Variants in EIF2S3B observed in about 807,000 individuals in gnomAD.
EIF2S3B encodes eukaryotic translation initiation factor 2 subunit 3B.
Under a neutral mutation model 26.4 loss-of-function variants are expected in EIF2S3B, and 16 were observed. That is an observed-to-expected ratio of 0.61 (90% CI 0.41 to 0.92). The LOEUF (loss-of-function observed/expected upper bound fraction) is 0.92, where lower values mean the gene tolerates loss of function less well. Among genes scored for constraint, EIF2S3B ranks in the 40% least tolerant of loss-of-function variants. The pLI is 0.00. For synonymous variants in EIF2S3B, 183 were observed against 204.4 expected (o/e 0.90, Z 0.89); for missense variants, 510 against 575.5 (o/e 0.89, Z 1.16).
In EIF2S3B at chr12:10,505,989, G is replaced by A. The variant is rs573205960; in HGVS notation, c.87G>A (p.Thr29=). ...DLTTLDVTKL[T]PLSHEVISRQ... ...CCACCTTGGATGTTACCAAGTTGAC[G>A]CCACTTTCACACGAAGTTATCAGCA... Residue 29 remains threonine (T), a synonymous_variant, in exon 1 of 1, where the codon ACG becomes ACA. Coordinates refer to ENST00000538173, the MANE Select transcript of EIF2S3B (RefSeq NM_001357734.3). 5.6e-6 allele frequency: 9 copies of A among 1,605,898 alleles called. No individual in the cohort carries two copies. Among genetic ancestry groups the A allele is most frequent in the South Asian group, 5.5e-5 (5 of 90,920 alleles).
intron 1 of EIF2S3B, among the ~76,000 whole-genome samples, chr12:10,518,978 T>A (rs1358244999): frequency 1.3e-5 from 2 of 151,878 alleles, no homozygotes; most frequent in Non-Finnish European, 2.9e-5. Context: ...AAGCTACCAA[T>A]GACTTTCTTC....
In EIF2S3B at chr12:10,506,065, T is replaced by C; in HGVS notation, c.163T>C (p.Ser55Pro). 6.2e-7 allele frequency: 1 copy of C among 1,601,546 alleles called. No homozygotes were observed. Among genetic ancestry groups the C allele is most frequent in the Non-Finnish European group, 8.6e-7 (1 of 1,168,596 alleles). Residue 55 changes from serine (S) to proline (P), a missense_variant, in exon 1 of 1, where the codon TCC becomes CCC. Ser to Pro is a moderately conservative substitution (Grantham distance 74). Transcript: ENST00000538173. ...AATTGGTCATGTAGCTCATGGGAAA[T>C]CCACAGTCGTCAAAGCTATTTCTGG... ...GTIGHVAHGK[S>P]TVVKAISGVH... is the part of the protein sequence containing the mutation.
At chr12:10,514,576 C>T (rs933985503) in intron 1 of EIF2S3B, among the ~76,000 whole-genome samples, 3 of 152,152 alleles carry the variant, frequency 2.0e-5, no homozygotes, top group African/African-American at 7.2e-5. Context: ...TGATATACCA[C>T]AAAGCACCTA....
rs763464689 is a variant in EIF2S3B at position 10,506,415 on chromosome 12, T to C, written c.513T>C (p.Ser171=). Residue 171 remains serine, a synonymous_variant, in exon 1 of 1, where the codon TCT becomes TCC. Coordinates refer to ENST00000538173, the MANE Select transcript of EIF2S3B (RefSeq NM_001357734.3). ...GNESCPQPQT[S]EHLAAIEIMK... is the part of the protein sequence containing the mutation. ...AATCTTGCCCTCAGCCTCAGACATC[T>C]GAACACCTGGCTGCTATAGAGATCA... The C allele has an allele frequency of 1.9e-5, 30 of 1,613,762 alleles. No homozygotes were observed. The highest frequency in any genetic ancestry group is 2.5e-5 in the Non-Finnish European group (29 of 1,179,740).
At chr12:10,518,555 A>G (rs907495843) in intron 1 of EIF2S3B, among the ~76,000 whole-genome samples, 3 of 151,980 alleles carry the variant, frequency 2.0e-5, no homozygotes, top group African/African-American at 7.3e-5. Flanking sequence ...TCTTTATCCA[A>G]TTTGCCAGTC....
At chr12:10,517,712 A>G (rs1475732380) in intron 1 of EIF2S3B, among the ~76,000 whole-genome samples, 5 of 152,048 alleles carry the variant, frequency 3.3e-5, no homozygotes, top group African/African-American at 1.2e-4. Flanking sequence ...TAGGTTGTCA[A>G]TTTTGGATCT....
chr12:10,509,398 CAG>C (rs912618415), downstream of EIF2S3B, among the ~76,000 whole-genome samples: 6 of 151,880 alleles, frequency 4.0e-5, no homozygotes, highest in East Asian at 1.9e-4. Flanking sequence ...CAATTTTTAC[CAG>C]AGTTAGAGTT....
downstream of EIF2S3B, among the ~76,000 whole-genome samples, chr12:10,511,507 A>G (rs1219279844): frequency 1.3e-5 from 2 of 152,154 alleles, no homozygotes; most frequent in East Asian, 1.9e-4. Flanking sequence ...AAGTGGAAGT[A>G]CAGTCTGGGA....
Position 10,506,142 on chromosome 12 carries a change from G to A in EIF2S3B, c.240G>A (p.Lys80=). The change falls in exon 1 of 1, where the codon AAG becomes AAA. Residue 80 remains lysine, a synonymous_variant. Transcript: ENST00000538173. ...AACTAGAAAGAAATATTACAATCAA[G>A]CTTGGATATGCTAATGCTAAGATTT... ...KNELERNITI[K]LGYANAKIYQ... is the part of the protein sequence containing the mutation. 1 of 1,577,610 alleles carries A rather than the reference G, an allele frequency of 6.3e-7. No homozygotes were observed. The highest frequency in any genetic ancestry group is 8.7e-7 in the Non-Finnish European group (1 of 1,146,674).
At chr12:10,515,849 T>C (rs1182372131) in intron 1 of EIF2S3B, among the ~76,000 whole-genome samples, 1 of 151,506 alleles carries the variant, frequency 6.6e-6, no homozygotes, top group East Asian at 1.9e-4. Context: ...TGTGTATACA[T>C]GGGTACACTA....
At chr12:10,516,046 T>G (rs988795136) in intron 1 of EIF2S3B, among the ~76,000 whole-genome samples, 2 of 151,812 alleles carry the variant, frequency 1.3e-5, no homozygotes, top group African/African-American at 4.8e-5. Flanking sequence ...TTTTTAAAAT[T>G]TCACTGGTAA....
chr12:10,516,475 A>G (rs899175105), intron 1 of EIF2S3B, among the ~76,000 whole-genome samples: 4 of 148,156 alleles, frequency 2.7e-5, no homozygotes, highest in African/African-American at 7.4e-5. Context: ...GTTTAAGATT[A>G]AAATCACTAT....
rs1228604890 is a variant in EIF2S3B at position 10,507,381 on chromosome 12, A to G, written c.*60A>G. 1 of 1,582,578 alleles carries G rather than the reference A, an allele frequency of 6.3e-7. No individual in the cohort carries two copies. The highest frequency in any genetic ancestry group is 2.2e-5 in the East Asian group (1 of 44,730). ...TGGAAGTTGCAATTTCTCTTTAACAACCAAGGGGTTTATTTTCAAAGCGAT... is the reference window on the plus strand; with the variant it reads ...TGGAAGTTGCAATTTCTCTTTAACAGCCAAGGGGTTTATTTTCAAAGCGAT... On this transcript the variant is annotated 3_prime_UTR_variant, in exon 1 of 1. Coordinates refer to ENST00000538173, the MANE Select transcript of EIF2S3B (RefSeq NM_001357734.3).
intron 1 of EIF2S3B, among the ~76,000 whole-genome samples, chr12:10,513,950 G>A (rs1387295887): frequency 1.3e-5 from 2 of 152,188 alleles, no homozygotes; most frequent in Non-Finnish European, 2.9e-5. Context: ...GGGAGGTGGA[G>A]GTTGCAGTAA....
Position 10,507,355 on chromosome 12 carries a change from C to A in EIF2S3B, c.*34C>A. 1 of 1,609,670 alleles carries A rather than the reference C, an allele frequency of 6.2e-7. No homozygotes were observed. The highest frequency in any genetic ancestry group is 8.5e-7 in the Non-Finnish European group (1 of 1,176,228). On this transcript the variant is annotated 3_prime_UTR_variant, in exon 1 of 1. Coordinates refer to ENST00000538173, the MANE Select transcript of EIF2S3B (RefSeq NM_001357734.3). Reference sequence around the variant, plus strand: ...GGTTAAATAATACATTCGGATGGAGCTGGAAGTTGCAATTTCTCTTTAACA... The same window carrying A: ...GGTTAAATAATACATTCGGATGGAGATGGAAGTTGCAATTTCTCTTTAACA...
intron 1 of EIF2S3B, among the ~76,000 whole-genome samples, chr12:10,517,613 A>G (rs1864772928): frequency 6.6e-6 from 1 of 151,884 alleles, no homozygotes; most frequent in South Asian, 2.1e-4. Flanking sequence ...TATTTCCTTC[A>G]GTTCTGCTCT....
At chr12:10,519,975 A>G (rs893760205) in intron 1 of EIF2S3B, among the ~76,000 whole-genome samples, 34 of 152,064 alleles carry the variant, frequency 2.2e-4, no homozygotes, top group Non-Finnish European at 4.4e-4. Flanking sequence ...ATCTAGAACT[A>G]GAAATACCAT....
At position 10,506,787 on chromosome 12, in the gene EIF2S3B, AG is replaced by A. The variant is rs2137940395; in HGVS notation, c.886del (p.Val296Ter). On this transcript the variant is annotated frameshift_variant, in exon 1 of 1. Coordinates refer to ENST00000538173, the MANE Select transcript of EIF2S3B (RefSeq NM_001357734.3). LOFTEE classifies it high-confidence loss of function. ...TATTAAAGGTGGGCCAGGAGACAGA[AG>A]TAAGACCTGGTATTGTTTCCAAAGA... is the stretch of plus-strand genomic sequence containing the variant. ...GVLKVGQETE[V>X]RPGIVSKDSE... 2 of 1,613,786 alleles carry A rather than the reference AG, an allele frequency of 1.2e-6. No individual in the cohort carries two copies. Among genetic ancestry groups the A allele is most frequent in the East Asian group, 4.5e-5 (2 of 44,882 alleles).
rs544881014 is a variant in EIF2S3B at position 10,507,325 on chromosome 12, A to G, written c.*4A>G. ...GCCAACAGTAGATGATGACTGAAGA[A>G]TACCGGTTAAATAATACATTCGGAT... On this transcript the variant is annotated 3_prime_UTR_variant, in exon 1 of 1. Transcript: ENST00000538173. 1.2e-6 allele frequency: 2 copies of G among 1,612,892 alleles called. No individual in the cohort carries two copies. Among genetic ancestry groups the G allele is most frequent in the African/African-American group, 2.7e-5 (2 of 75,030 alleles).
Sources: gnomAD v4.1 joint callset for allele counts (sites outside exome capture counted in the v4.1 genomes callset) on GRCh38, gnomAD v4.1.1 for gene constraint, MANE v1.5 for transcripts, NCBI Gene and HGNC (gene_info 2026-07-23, HGNC 2026-07-21) for gene names.